The following OPCML variants were observed in gnomAD, a reference collection of about 807,000 sequenced individuals.
The protein encoded by OPCML is opioid-binding protein/cell adhesion molecule.
Under a neutral mutation model 37.8 loss-of-function variants are expected in OPCML, and 13 were observed. The ratio of observed to expected loss-of-function variants is 0.34; its 90% CI spans 0.22 to 0.55. The LOEUF (loss-of-function observed/expected upper bound fraction) is 0.55, where lower values mean the gene tolerates loss of function less well. Among genes scored for constraint, OPCML ranks in the 20% least tolerant of loss-of-function variants. OPCML has a pLI of 0.91. For synonymous variants in OPCML, 176 were observed against 168.8 expected, an observed-to-expected ratio of 1.04 and a Z score of -0.33; for missense variants, 341 against 435.6, an observed-to-expected ratio of 0.78 and a Z score of 1.93.
rs368784471 is a variant in OPCML at position 133,132,827 on chromosome 11, T to C, written c.62-189817A>G. Among the ~76,000 whole-genome samples, 182 of 148,418 alleles carry C rather than the reference T, an allele frequency of 1.2e-3. 1 individual carries two copies. Among genetic ancestry groups the C allele is most frequent in the African/African-American group, 4.4e-3 (175 of 39,892 alleles). ...AACTCATCCACTGTGATAGAAGCGA[T>C]CAGTATTTTCCTGGGATCACAAAGG... On this transcript the variant is annotated intron_variant, in intron 1 of 7. Coordinates refer to ENST00000524381, the MANE Select transcript of OPCML (RefSeq NM_001012393.5).
rs369085407 is a variant in OPCML at position 132,457,003 on chromosome 11, G to T, written c.506-19644C>A. Among the ~76,000 whole-genome samples the T allele has an allele frequency of 9.3e-4, 142 of 152,310 alleles. 1 individual carries two copies. In the South Asian group the frequency reaches 0.028, roughly 30 times the overall value. On this transcript the variant is annotated intron_variant, in intron 4 of 7. Transcript: ENST00000524381. ...TGACAATAGAATGTGGCTCATGCAT[G>T]GGGGGAGGGATGCCGCAGAGGCAAG...
chr11:132,842,673 G>C (rs1591687189), intron 2 of OPCML, among the ~76,000 whole-genome samples: 1 of 152,214 alleles, frequency 6.6e-6, no homozygotes, highest in African/African-American at 2.4e-5. Context: ...AAATGGAAAA[G>C]ATTTCTCTCA....
intron 1 of OPCML, among the ~76,000 whole-genome samples, chr11:133,292,660 C>A (rs1942512958): frequency 6.6e-6 from 1 of 152,124 alleles, no homozygotes; most frequent in Admixed American, 6.5e-5. Context: ...CCAATTGGCT[C>A]CAAAACATGT....
At chr11:132,436,033 C>T in intron 7 of OPCML, 53 bp downstream of exon 7, 2 of 1,583,608 alleles carry the variant, frequency 1.3e-6, no homozygotes, top group Non-Finnish European at 8.6e-7. Context: ...TCCTGAGTCC[C>T]TCAAGCTTCC....
At chr11:133,140,522 T>TAAG (rs1296215663) in intron 1 of OPCML, among the ~76,000 whole-genome samples, 45 of 59,458 alleles carry the variant, frequency 7.6e-4, no homozygotes, top group East Asian at 7.5e-3. Flanking sequence ...AAAATAATAA[T>TAAG]AATAATAATA....
chr11:133,034,741 GT>G (rs1241657327), intron 1 of OPCML, among the ~76,000 whole-genome samples: 3 of 144,256 alleles, frequency 2.1e-5, no homozygotes, highest in Non-Finnish European at 4.5e-5. Context: ...AAAGTCTGTT[GT>G]TTTTTTTCCT....
At chr11:133,528,078 T>C (rs2120749216) in intron 1 of OPCML, among the ~76,000 whole-genome samples, 1 of 152,310 alleles carries the variant, frequency 6.6e-6, no homozygotes, top group Non-Finnish European at 1.5e-5. Flanking sequence ...GTGCTAAGAA[T>C]TCGAGAAAGC....
intron 1 of OPCML, among the ~76,000 whole-genome samples, chr11:133,017,047 G>A (rs962370425): frequency 1.4e-4 from 22 of 152,176 alleles, no homozygotes; most frequent in Admixed American, 7.2e-4. Flanking sequence ...CACAGTTCTG[G>A]AGGTTGGAAT....
chr11:133,254,761 A>G (rs1464016627), intron 1 of OPCML, among the ~76,000 whole-genome samples: 1 of 152,196 alleles, frequency 6.6e-6, no homozygotes, highest in African/African-American at 2.4e-5. Flanking sequence ...GAGAGAGTCA[A>G]GTTTGCAGGG....
At chr11:133,020,338 C>T (rs1456131838) in intron 1 of OPCML, among the ~76,000 whole-genome samples, 1 of 152,198 alleles carries the variant, frequency 6.6e-6, no homozygotes, top group Non-Finnish European at 1.5e-5. Flanking sequence ...CATCTGTCTT[C>T]CCTCCCTTTC....
intron 1 of OPCML, among the ~76,000 whole-genome samples, chr11:133,165,786 A>G (rs1011621474): frequency 2.0e-5 from 3 of 152,004 alleles, no homozygotes; most frequent in Admixed American, 2.0e-4. Context: ...CTTGAAGCTC[A>G]CTTCACGTGT....
At chr11:132,545,361 G>A (rs1218357897) in intron 3 of OPCML, among the ~76,000 whole-genome samples, 1 of 152,178 alleles carries the variant, frequency 6.6e-6, no homozygotes. Context: ...TGACAGGTTT[G>A]ATGGAGAACA....
intron 1 of OPCML, among the ~76,000 whole-genome samples, chr11:133,369,071 A>T (rs983143018): frequency 1.3e-5 from 2 of 152,222 alleles, no homozygotes; most frequent in Non-Finnish European, 2.9e-5. Context: ...ATTCAAACCA[A>T]CCAGATTTGG....
intron 1 of OPCML, among the ~76,000 whole-genome samples, chr11:133,080,348 A>G (rs1357058997): frequency 2.0e-5 from 3 of 152,114 alleles, no homozygotes; most frequent in South Asian, 2.1e-4. Context: ...TCATGACACT[A>G]CTGCGGCCGG....
intron 3 of OPCML, among the ~76,000 whole-genome samples, chr11:132,576,909 C>G (rs548471895): frequency 4.6e-5 from 7 of 152,164 alleles, no homozygotes; most frequent in Non-Finnish European, 8.8e-5. Flanking sequence ...CACGTCCACT[C>G]TCTCCCAGGC....
chr11:133,344,129 C>T (rs879515869), intron 1 of OPCML, among the ~76,000 whole-genome samples: 8 of 152,206 alleles, frequency 5.3e-5, no homozygotes, highest in East Asian at 3.9e-4. Context: ...CATAATCCAT[C>T]GGGCAATCAG....
At chr11:132,857,160 G>A (rs147561624) in intron 2 of OPCML, among the ~76,000 whole-genome samples, 1 of 152,290 alleles carries the variant, frequency 6.6e-6, no homozygotes, top group Non-Finnish European at 1.5e-5. Context: ...ATTGTCCAAA[G>A]TATTGTAGCT....
At chr11:132,900,810 T>C (rs1194738007) in intron 2 of OPCML, among the ~76,000 whole-genome samples, 2 of 152,070 alleles carry the variant, frequency 1.3e-5, no homozygotes, top group Admixed American at 1.3e-4. Flanking sequence ...AATCTTCCTC[T>C]CAAATTGGCA....
chr11:132,950,749 T>C (rs777277776), intron 1 of OPCML, among the ~76,000 whole-genome samples: 6 of 152,204 alleles, frequency 3.9e-5, no homozygotes, highest in Non-Finnish European at 8.8e-5. Context: ...AATTTGGAAA[T>C]AGGTGCCTTC....
Sources: gnomAD v4.1 joint callset for allele counts (sites outside exome capture counted in the v4.1 genomes callset) on GRCh38, gnomAD v4.1.1 for gene constraint, MANE v1.5 for transcripts, NCBI Gene and HGNC (gene_info 2026-07-23, HGNC 2026-07-21) for gene names.